The following FAT3 variants were observed in gnomAD, a reference collection of about 807,000 sequenced individuals.
The protein encoded by FAT3 is FAT atypical cadherin 3, also known as protocadherin Fat 3.
A neutral mutation model predicts 310.2 loss-of-function variants in FAT3; 95 were observed. The observed-to-expected ratio is 0.31, with a 90% confidence interval of 0.26 to 0.36. The LOEUF is 0.36. FAT3 is among the 10% of genes least tolerant of loss of function. The pLI is 1.00. For synonymous variants in FAT3, 2,314 were observed against 2,192.9 expected, an observed-to-expected ratio of 1.06 and a Z score of -1.54; for missense variants, 5,408 against 5,715.6, an observed-to-expected ratio of 0.95 and a Z score of 1.74.
rs948691346 is a variant in FAT3, at chr11:92,308,346, C to G, written c.-17-43750C>G. On this transcript the variant is annotated intron_variant, in intron 1 of 27. Transcript: ENST00000525166. Reference sequence around the variant, plus strand: ...GTGAATGAAGAGTTTGTTGGGAAAGCCTCACATGAGAATGGTTTCTTTTTT... The same window carrying G: ...GTGAATGAAGAGTTTGTTGGGAAAGGCTCACATGAGAATGGTTTCTTTTTT... Among the ~76,000 whole-genome samples the G allele has an allele frequency of 3.3e-5, 5 of 152,074 alleles. No homozygotes were observed. In the East Asian group the frequency reaches 5.8e-4, roughly 18 times the overall value.
intron 1 of FAT3, among the ~76,000 whole-genome samples, chr11:92,246,604 G>A (rs1439794294): frequency 2.0e-5 from 3 of 152,106 alleles, no homozygotes; most frequent in African/African-American, 4.8e-5. Context: ...GATTAAGTAG[G>A]CAGCTAGGCT....
intron 1 of FAT3, among the ~76,000 whole-genome samples, chr11:92,257,919 A>T (rs1188632982): frequency 6.6e-6 from 1 of 152,132 alleles, no homozygotes; most frequent in Non-Finnish European, 1.5e-5. Flanking sequence ...TGCATTATGC[A>T]ATCAGTTTTT....
At chr11:92,563,130 A>C (rs899461122) in intron 3 of FAT3, among the ~76,000 whole-genome samples, 1 of 152,192 alleles carries the variant, frequency 6.6e-6, no homozygotes, top group African/African-American at 2.4e-5. Context: ...GTTACGTTGT[A>C]CCCATGGATT....
At chr11:92,498,194 A>G (rs1419834425) in intron 2 of FAT3, 2 of 162,930 alleles carry the variant, frequency 1.2e-5, no homozygotes, top group African/African-American at 4.8e-5. Context: ...CATTCAACTT[A>G]GCACCACTTT....
At chr11:92,661,248 A>G (rs1222447256) in intron 3 of FAT3, among the ~76,000 whole-genome samples, 2 of 152,204 alleles carry the variant, frequency 1.3e-5, no homozygotes, top group Non-Finnish European at 1.5e-5. Flanking sequence ...CCAAGTGCAC[A>G]TCAAACACAC....
intron 3 of FAT3, among the ~76,000 whole-genome samples, chr11:92,615,778 T>C (rs935886157): frequency 8.5e-5 from 13 of 152,202 alleles, no homozygotes. Context: ...TCCATGTAGT[T>C]GAGTGGTTTT....
At chr11:92,623,942 C>T (rs1941208280) in intron 3 of FAT3, among the ~76,000 whole-genome samples, 1 of 150,072 alleles carries the variant, frequency 6.7e-6, no homozygotes, top group Non-Finnish European at 1.5e-5. Flanking sequence ...GACTCTGCCT[C>T]AAAGAAAAAA....
At chr11:92,472,001 T>C (rs1418954970) in intron 2 of FAT3, among the ~76,000 whole-genome samples, 2 of 149,226 alleles carry the variant, frequency 1.3e-5, no homozygotes, top group African/African-American at 4.9e-5. Flanking sequence ...TTTATGTATG[T>C]AATTTATAGA....
At position 92,688,949 on chromosome 11, in the gene FAT3, A is replaced by G. The variant is rs555922082; in HGVS notation, c.3608-8435A>G. ...AATGTTTTAGAACTTTTGCTGCCCA[A>G]ATATTTAGGTGGGAAGGAAGCAAAG... On this transcript the variant is annotated intron_variant, in intron 3 of 27. Coordinates refer to ENST00000525166, the MANE Select transcript of FAT3 (RefSeq NM_001367949.2). Among the ~76,000 whole-genome samples, 6 of 152,244 alleles carry G rather than the reference A, an allele frequency of 3.9e-5. 1 individual carries two copies. Among genetic ancestry groups the G allele is most frequent in the Middle Eastern group, 6.8e-3 (2 of 294 alleles).
intron 4 of FAT3, among the ~76,000 whole-genome samples, chr11:92,740,657 GT>G (rs1945482717): frequency 6.6e-6 from 1 of 152,072 alleles, no homozygotes; most frequent in South Asian, 2.1e-4. Flanking sequence ...TGATTTCATG[GT>G]CAAAAGATAA....
At chr11:92,764,786 T>G in intron 5 of FAT3, 93 bp from the exon 6 acceptor site, 1 of 1,176,908 alleles carries the variant, frequency 8.5e-7, no homozygotes, top group Admixed American at 2.3e-5. Flanking sequence ...GTGTTGAAGA[T>G]GGACTCTTGG....
chr11:92,728,387 G>A (rs1374750750), intron 4 of FAT3, among the ~76,000 whole-genome samples: 1 of 152,158 alleles, frequency 6.6e-6, no homozygotes, highest in African/African-American at 2.4e-5. Context: ...GTAAATAGCT[G>A]TGTTAAAAAA....
chr11:92,788,252 A>C (rs1481324227), intron 7 of FAT3, among the ~76,000 whole-genome samples: 3 of 152,152 alleles, frequency 2.0e-5, no homozygotes, highest in African/African-American at 7.2e-5. Flanking sequence ...CTACAGGCCA[A>C]GGTAGGGCTA....
chr11:92,888,309 C>T (rs1949841470), intron 25 of FAT3, among the ~76,000 whole-genome samples: 1 of 152,162 alleles, frequency 6.6e-6, no homozygotes, highest in African/African-American at 2.4e-5. Context: ...TTTTCCTCCT[C>T]CCTAGCCAGA....
Position 92,564,356 on chromosome 11 carries a change from A to T in FAT3, c.3607+39408A>T, listed in dbSNP as rs547028472. Among the ~76,000 whole-genome samples the T allele has an allele frequency of 2.0e-5, 3 of 150,938 alleles. No individual in the cohort carries two copies. In the South Asian group the frequency reaches 6.4e-4, roughly 32 times the overall value. ...AGCTAACTATCCTAAATATATATGC[A>T]CCCAATACAGGAGCACCCAGATTCA... On this transcript the variant is annotated intron_variant, in intron 3 of 27. Coordinates refer to ENST00000525166, the MANE Select transcript of FAT3 (RefSeq NM_001367949.2).
intron 3 of FAT3, among the ~76,000 whole-genome samples, chr11:92,566,412 C>T (rs1955445250): frequency 6.6e-6 from 1 of 152,014 alleles, no homozygotes; most frequent in African/African-American, 2.4e-5. Flanking sequence ...GAAGAACATT[C>T]CATGCTCATG....
intron 3 of FAT3, among the ~76,000 whole-genome samples, chr11:92,575,872 A>G (rs550711111): frequency 4.6e-5 from 7 of 152,276 alleles, no homozygotes; most frequent in African/African-American, 1.2e-4. Context: ...AGGAATAGAA[A>G]GGTGGAGCTT....
At chr11:92,320,880 A>AGGG (rs5793596) in intron 1 of FAT3, among the ~76,000 whole-genome samples, 56 of 148,552 alleles carry the variant, frequency 3.8e-4, no homozygotes, top group Middle Eastern at 3.4e-3. Flanking sequence ...AAAAAAAAAA[A>AGGG]GGGGGGGGTA....
chr11:92,417,265 T>C (rs1950437257), intron 2 of FAT3, among the ~76,000 whole-genome samples: 1 of 152,180 alleles, frequency 6.6e-6, no homozygotes, highest in East Asian at 1.9e-4. Flanking sequence ...GGTAACAGGG[T>C]TGTGTTTCTT....
Sources: gnomAD v4.1 joint callset for allele counts (sites outside exome capture counted in the v4.1 genomes callset) on GRCh38, gnomAD v4.1.1 for gene constraint, MANE v1.5 for transcripts, NCBI Gene and HGNC (gene_info 2026-07-23, HGNC 2026-07-21) for gene names.